NXPE2: variants seen among roughly 807,000 people sequenced by gnomAD.
The protein encoded by NXPE2 is neurexophilin and PC-esterase domain family member 2, also known as NXPE family member 2.
Under a neutral mutation model 34.4 loss-of-function variants are expected in NXPE2, and 34 were observed. That is an observed-to-expected ratio of 0.99 (90% CI 0.75 to 1.31). NXPE2 has a LOEUF of 1.31. Ranked by LOEUF, NXPE2 falls within the 40% of genes most tolerant of loss-of-function variation. The pLI is 0.00. For synonymous variants in NXPE2, 235 were observed against 231.3 expected, an observed-to-expected ratio of 1.02 and a Z score of -0.15; for missense variants, 649 against 672.5, an observed-to-expected ratio of 0.97 and a Z score of 0.39.
chr11:114,587,738 AGG>A, the NXPE2 span, among the ~76,000 whole-genome samples: 1 of 152,206 alleles, frequency 6.6e-6, no homozygotes, highest in Non-Finnish European at 1.5e-5. Context: ...AGGTGACTAA[AGG>A]GACACCTTTT....
the NXPE2 span, among the ~76,000 whole-genome samples, chr11:114,665,634 G>A: frequency 6.6e-6 from 1 of 152,170 alleles, no homozygotes; most frequent in Non-Finnish European, 1.5e-5. Context: ...ATTGCTAAGA[G>A]TCAGTGTAGG....
At chr11:114,610,503 G>T in the NXPE2 span, among the ~76,000 whole-genome samples, 50 of 151,100 alleles carry the variant, frequency 3.3e-4, no homozygotes, top group African/African-American at 7.0e-4. Flanking sequence ...GATAATAAGT[G>T]TTGCCTCATG....
the NXPE2 span, among the ~76,000 whole-genome samples, chr11:114,545,293 G>T: frequency 6.6e-6 from 1 of 152,170 alleles, no homozygotes; most frequent in African/African-American, 2.4e-5. Flanking sequence ...GATCATAGTT[G>T]CCCAAAACTG....
At chr11:114,678,479 A>G, upstream of NXPE2, 1 of 926,584 alleles carries the variant, frequency 1.1e-6, no homozygotes, top group Non-Finnish European at 1.6e-6. Context: ...TTGATCAATG[A>G]AGCTCATAGG....
the NXPE2 span, among the ~76,000 whole-genome samples, chr11:114,812,656 G>C: frequency 6.6e-6 from 1 of 152,178 alleles, no homozygotes; most frequent in Non-Finnish European, 1.5e-5. Flanking sequence ...GTACCCTTGA[G>C]AGAATCACCT....
chr11:114,478,854 C>T, the NXPE2 span, among the ~76,000 whole-genome samples: 1,973 of 152,280 alleles, frequency 0.013, 45 homozygotes, highest in African/African-American at 0.046. Flanking sequence ...TGCCTATTGT[C>T]CTGGGCGCCA....
downstream of NXPE2, chr11:114,707,282 G>T: frequency 3.4e-6 from 1 of 290,980 alleles, no homozygotes; most frequent in South Asian, 2.8e-5. Context: ...TAGTAGAGAT[G>T]GGGTTTCACT....
chr11:114,733,448 C>G, the NXPE2 span, among the ~76,000 whole-genome samples: 1 of 152,126 alleles, frequency 6.6e-6, no homozygotes, highest in Admixed American at 6.6e-5. Context: ...CCTCCCTATT[C>G]TGTTTTTAGT....
chr11:114,792,157 C>G, the NXPE2 span, among the ~76,000 whole-genome samples: 5 of 152,192 alleles, frequency 3.3e-5, no homozygotes, highest in Admixed American at 3.3e-4. Flanking sequence ...CCATGGGCCC[C>G]CTCCCCATAG....
At chr11:114,551,204 C>A in the NXPE2 span, 1 of 1,521,074 alleles carries the variant, frequency 6.6e-7, no homozygotes, top group South Asian at 1.2e-5. Flanking sequence ...GAGGACATGA[C>A]GAATGTCCTA....
the NXPE2 span, among the ~76,000 whole-genome samples, chr11:114,772,529 T>A: frequency 2.0e-5 from 3 of 152,118 alleles, no homozygotes; most frequent in South Asian, 6.2e-4. Flanking sequence ...GTCTAGGGTT[T>A]TGGAACAGTG....
the NXPE2 span, among the ~76,000 whole-genome samples, chr11:114,577,194 A>G: frequency 5.4e-5 from 8 of 149,288 alleles, no homozygotes; most frequent in Non-Finnish European, 1.0e-4. Context: ...TGTTATACAC[A>G]CACACTGTGG....
At chr11:114,610,334 T>G in the NXPE2 span, among the ~76,000 whole-genome samples, 66 of 151,878 alleles carry the variant, frequency 4.3e-4, no homozygotes, top group Non-Finnish European at 7.1e-4. Context: ...GAATAATAAG[T>G]ATGGCCTCAT....
At chr11:114,723,540 A>C in the NXPE2 span, among the ~76,000 whole-genome samples, 1 of 152,200 alleles carries the variant, frequency 6.6e-6, no homozygotes, top group African/African-American at 2.4e-5. Flanking sequence ...GATGAGATTT[A>C]TATTTGTGTA....
the NXPE2 span, among the ~76,000 whole-genome samples, chr11:114,565,679 A>G: frequency 6.6e-6 from 1 of 152,316 alleles, no homozygotes; most frequent in African/African-American, 2.4e-5. Flanking sequence ...TTGGAATGAC[A>G]GGAAAGACTC....
chr11:114,561,231 C>T, the NXPE2 span, among the ~76,000 whole-genome samples: 19 of 152,310 alleles, frequency 1.2e-4, no homozygotes, highest in African/African-American at 3.8e-4. Flanking sequence ...AAAACAGTTT[C>T]TGACACTTAG....
At chr11:114,618,617 G>A in the NXPE2 span, among the ~76,000 whole-genome samples, 4 of 151,966 alleles carry the variant, frequency 2.6e-5, no homozygotes, top group South Asian at 6.2e-4. Flanking sequence ...AATAAGTATT[G>A]CCTTGTGAGT....
chr11:114,464,733 A>G, the NXPE2 span, among the ~76,000 whole-genome samples: 6 of 152,216 alleles, frequency 3.9e-5, no homozygotes, highest in Non-Finnish European at 7.3e-5. Flanking sequence ...ATTAATATGA[A>G]GAATTTCTTT....
At chr11:114,755,686 GTCTA>G in the NXPE2 span, among the ~76,000 whole-genome samples, 32 of 145,924 alleles carry the variant, frequency 2.2e-4, no homozygotes, top group South Asian at 4.3e-4. Flanking sequence ...CTATCTGTCT[GTCTA>G]TCTATCCATC....
Sources: gnomAD v4.1 joint callset for allele counts (sites outside exome capture counted in the v4.1 genomes callset) on GRCh38, gnomAD v4.1.1 for gene constraint, MANE v1.5 for transcripts, NCBI Gene and HGNC (gene_info 2026-07-23, HGNC 2026-07-21) for gene names.